TOP2B: variants seen among roughly 807,000 people sequenced by gnomAD.
TOP2B encodes DNA topoisomerase II beta.
Under a neutral mutation model 193.5 loss-of-function variants are expected in TOP2B, and 51 were observed. The ratio of observed to expected loss-of-function variants is 0.26; its 90% confidence interval spans 0.21 to 0.33. The LOEUF (loss-of-function observed/expected upper bound fraction) is 0.33. Ranked by LOEUF, TOP2B falls within the 10% of genes least tolerant of loss-of-function variation. The pLI is 1.00. For synonymous variants in TOP2B, 634 were observed against 635.7 expected, an observed-to-expected ratio of 1.00 and a Z score of 0.04; for missense variants, 1,378 against 1,909.3, an observed-to-expected ratio of 0.72 and a Z score of 5.19.
chr3:25,630,019 T>C lies in TOP2B; in HGVS notation c.1689+10A>G. The C allele has an allele frequency of 6.3e-7, 1 of 1,582,846 alleles. No homozygotes were observed. The highest frequency in any genetic ancestry group is 8.6e-7 in the Non-Finnish European group (1 of 1,167,808). On this transcript the variant is annotated intron_variant, in intron 13 of 35. Coordinates refer to ENST00000264331, the MANE Select transcript of TOP2B (RefSeq NM_001330700.2). ...ATGAATTTGAAATATGTGGTAACTTTAAAACCAACCTGATCGGTCATAATC... is the reference window on the plus strand; with the variant it reads ...ATGAATTTGAAATATGTGGTAACTTCAAAACCAACCTGATCGGTCATAATC...
chr3:25,610,258 T>G (rs547427355), intron 28 of TOP2B, among the ~76,000 whole-genome samples: 5 of 150,742 alleles, frequency 3.3e-5, no homozygotes, highest in African/African-American at 1.2e-4. Flanking sequence ...CACTGTAAGG[T>G]AGACCCCAAC....
intron 4 of TOP2B, among the ~76,000 whole-genome samples, chr3:25,639,340 G>A (rs111635571): frequency 4.3e-4 from 65 of 152,120 alleles, no homozygotes; most frequent in African/African-American, 1.4e-3. Flanking sequence ...ATAGAGTCTC[G>A]CTCTGTCATC....
intron 1 of TOP2B, among the ~76,000 whole-genome samples, chr3:25,657,878 G>A (rs1575589745): frequency 7.0e-6 from 1 of 142,486 alleles, no homozygotes; most frequent in Middle Eastern, 3.5e-3. Context: ...CGGCTAAAAC[G>A]GTGAAACCCC....
chr3:25,629,910 CTCCTGATG>C (rs1387306791), intron 13 of TOP2B, 111 bp downstream of exon 13: 1 of 1,079,324 alleles, frequency 9.3e-7, no homozygotes, highest in East Asian at 2.7e-5. Context: ...TCATTTTTTC[CTCCTGATG>C]TATAATCACT....
At chr3:25,602,413 AAAG>A (rs1400746305) in intron 33 of TOP2B, among the ~76,000 whole-genome samples, 9 of 117,556 alleles carry the variant, frequency 7.7e-5, no homozygotes, top group African/African-American at 2.2e-4. Context: ...AAAAAAAGAA[AAAG>A]AAAAAAAAAA....
chr3:25,624,556 A>C (rs1380309062), intron 19 of TOP2B, 111 bp from the exon 20 acceptor site: 3 of 1,533,162 alleles, frequency 2.0e-6, no homozygotes, highest in African/African-American at 2.8e-5. Context: ...GAATCTCACT[A>C]ATCTGTATAT....
chr3:25,626,245 A>G (rs937972282), intron 18 of TOP2B, among the ~76,000 whole-genome samples: 3 of 152,188 alleles, frequency 2.0e-5, no homozygotes, highest in Non-Finnish European at 4.4e-5. Context: ...TTTAGAAATT[A>G]TCAAAGTTCC....
intron 21 of TOP2B, among the ~76,000 whole-genome samples, chr3:25,622,701 C>T (rs953555959): frequency 2.0e-5 from 3 of 149,212 alleles, no homozygotes; most frequent in Admixed American, 1.3e-4. Context: ...AGTACAGTGG[C>T]GCAATCTCGG....
intron 1 of TOP2B, among the ~76,000 whole-genome samples, chr3:25,652,706 A>C (rs2125405027): frequency 6.6e-6 from 1 of 152,324 alleles, no homozygotes; most frequent in Middle Eastern, 3.4e-3. Context: ...CAATCAGTAA[A>C]GATCTCGAAT....
chr3:25,636,199 A>T lies in TOP2B; in HGVS notation c.640-51T>A, dbSNP rs954976166. ...TTCTATAATGCTTCCATATCTCATA[A>T]TATATAAAGACTACACTCATTAAAT... On this transcript the variant is annotated intron_variant, in intron 6 of 35. Coordinates refer to ENST00000264331, the MANE Select transcript of TOP2B (RefSeq NM_001330700.2). 1.9e-5 allele frequency: 22 copies of T among 1,161,594 alleles called. No homozygotes were observed. In the Admixed American group the frequency reaches 5.0e-4, roughly 27 times the overall value. 72.0% of individuals were successfully genotyped at this position (1,161,594 alleles called of 1,614,324 possible).
Position 25,607,511 on chromosome 3 carries a change from C to T in TOP2B, c.4094-136G>A, listed in dbSNP as rs768583408. 28 of 1,227,816 alleles carry T rather than the reference C, an allele frequency of 2.3e-5. No homozygotes were observed. The Admixed American group carries it at 2.6e-4, about 11-fold the overall frequency. 76.1% of individuals were successfully genotyped at this position (1,227,816 alleles called of 1,614,324 possible). A position where few individuals can be genotyped will look rare whatever the true frequency, so the allele number is the denominator to read the frequency against. ...CATAAGAAATAAAAGCAAGCATTTA[C>T]AGAATAAAAGCCAACAACTTTGGCC... On this transcript the variant is annotated intron_variant, in intron 30 of 35. Transcript: ENST00000264331.
intron 28 of TOP2B, among the ~76,000 whole-genome samples, chr3:25,611,340 A>AAGT (rs1444962849): frequency 6.6e-6 from 1 of 152,130 alleles, no homozygotes; most frequent in Admixed American, 6.5e-5. Context: ...AGTAAGAGGA[A>AAGT]AGTAGTAGAG....
chr3:25,664,517 G>A lies in TOP2B; in HGVS notation c.-220C>T. The stretch of plus-strand genomic sequence containing the variant: ...CCCTCAAACTCGAGGCGCGGCGTCC[G>A]CGTCGCCCGGGCCTAGCGCGGCGGC... On this transcript the variant is annotated 5_prime_UTR_variant, in exon 1 of 36. Coordinates refer to ENST00000264331, the MANE Select transcript of TOP2B (RefSeq NM_001330700.2). 8.6e-7 allele frequency: 1 copy of A among 1,164,686 alleles called. No individual in the cohort carries two copies. Among genetic ancestry groups the A allele is most frequent in the Non-Finnish European group, 1.1e-6 (1 of 946,026 alleles). 72.1% of individuals were successfully genotyped at this position (1,164,686 alleles called of 1,614,324 possible). A position where few individuals can be genotyped will look rare whatever the true frequency, so the allele number is the denominator to read the frequency against.
At chr3:25,624,590 A>T (rs1702746045) in intron 19 of TOP2B, 92 bp downstream of exon 19, 1 of 1,552,620 alleles carries the variant, frequency 6.4e-7, no homozygotes, top group African/African-American at 1.4e-5. Context: ...TTACATTTCC[A>T]AAGACTTTAC....
intron 15 of TOP2B, 39 bp from the exon 16 acceptor site, chr3:25,627,335 A>C: frequency 7.4e-7 from 1 of 1,350,178 alleles, no homozygotes. Context: ...CATGAATATC[A>C]ATGTCTGTTT....
chr3:25,619,156 T>C (rs763284333), intron 23 of TOP2B, among the ~76,000 whole-genome samples: 18 of 152,126 alleles, frequency 1.2e-4, no homozygotes, highest in East Asian at 1.9e-4. Flanking sequence ...CCTACAAAAA[T>C]GATTTTTCCC....
intron 1 of TOP2B, among the ~76,000 whole-genome samples, chr3:25,655,278 T>G (rs2125407265): frequency 6.6e-6 from 1 of 152,246 alleles, no homozygotes; most frequent in African/African-American, 2.4e-5. Context: ...GTCAACAGCA[T>G]ATGAAAAGAT....
intron 34 of TOP2B, among the ~76,000 whole-genome samples, chr3:25,600,897 T>C (rs908156654): frequency 6.6e-6 from 1 of 152,206 alleles, no homozygotes; most frequent in South Asian, 2.1e-4. Context: ...ATTTTTTAAT[T>C]TGTAAAACAA....
chr3:25,620,491 C>T (rs556517639), intron 22 of TOP2B, among the ~76,000 whole-genome samples, 191 bp downstream of exon 22: 1 of 152,218 alleles, frequency 6.6e-6, no homozygotes, highest in Admixed American at 6.5e-5. Context: ...TAACATAAGT[C>T]ATACTACGCT....
Sources: allele counts gnomAD v4.1 joint callset (sites outside exome capture counted in the v4.1 genomes callset), GRCh38; gene constraint gnomAD v4.1.1; transcripts MANE v1.5; gene names NCBI Gene and HGNC (gene_info 2026-07-23, HGNC 2026-07-21).